The following RSRC1 variants were observed in gnomAD, a reference collection of about 807,000 sequenced individuals.
RSRC1 encodes serine/Arginine-related protein 53.
Under a neutral mutation model 49.1 loss-of-function variants are expected in RSRC1, and 39 were observed. That is an observed-to-expected ratio of 0.79 (90% CI 0.61 to 1.04). The LOEUF (loss-of-function observed/expected upper bound fraction) is 1.04. Ranked by LOEUF, RSRC1 falls within the 50% of genes least tolerant of loss-of-function variation. The pLI is 0.00. For synonymous variants in RSRC1, 143 were observed against 130.8 expected (o/e 1.09, Z -0.63); for missense variants, 388 against 402.4 (o/e 0.96, Z 0.31).
chr3:158,321,479 A>G (rs1728757126), intron 5 of RSRC1, among the ~76,000 whole-genome samples: 1 of 151,910 alleles, frequency 6.6e-6, no homozygotes, highest in Non-Finnish European at 1.5e-5. Flanking sequence ...CACATATGCA[A>G]TCTACAAAGA....
At chr3:158,519,987 A>G (rs951350681) in intron 7 of RSRC1, among the ~76,000 whole-genome samples, 1 of 152,160 alleles carries the variant, frequency 6.6e-6, no homozygotes, top group African/African-American at 2.4e-5. Context: ...ATGGAAGCCA[A>G]ATGAAAAAAA....
At chr3:158,290,237 ATAG>A (rs141422230) in intron 4 of RSRC1, among the ~76,000 whole-genome samples, 4,056 of 152,056 alleles carry the variant, frequency 0.027, 158 homozygotes, top group African/African-American at 0.093. Context: ...CCATTAGTAA[ATAG>A]TAGAGCTGAA....
In RSRC1 at chr3:158,487,146, A is replaced by T. The variant is rs189058902; in HGVS notation, c.652+26143A>T. On this transcript the variant is annotated intron_variant, in intron 7 of 9. Transcript: ENST00000611884. ...TTTCATTCAATACTGTTGCACAGAT[A>T]AGCACTTGGAAACAACTGCTTTAAG... 3.4e-4 allele frequency among the ~76,000 whole-genome samples: 52 copies of T among 152,340 alleles called. 1 individual carries two copies. The highest frequency in any genetic ancestry group is 6.6e-4 in the Non-Finnish European group (45 of 68,028).
intron 7 of RSRC1, among the ~76,000 whole-genome samples, chr3:158,466,901 G>GA: frequency 6.6e-6 from 1 of 151,918 alleles, no homozygotes; most frequent in Non-Finnish European, 1.5e-5. Context: ...GTCTCAAAAA[G>GA]AAAAAAGATT....
intron 4 of RSRC1, among the ~76,000 whole-genome samples, chr3:158,205,482 T>C (rs979158693): frequency 7.9e-5 from 12 of 152,254 alleles, no homozygotes; most frequent in Middle Eastern, 3.4e-3. Flanking sequence ...CTGTGTTAAG[T>C]AATAAGGATA....
intron 3 of RSRC1, among the ~76,000 whole-genome samples, chr3:158,129,685 G>A (rs531896880): frequency 6.6e-6 from 1 of 151,980 alleles, no homozygotes; most frequent in Admixed American, 6.5e-5. Context: ...TTGTTTATTT[G>A]GTTCCATTCC....
intron 6 of RSRC1, among the ~76,000 whole-genome samples, chr3:158,454,809 C>T (rs910549471): frequency 1.3e-5 from 2 of 152,092 alleles, no homozygotes; most frequent in Admixed American, 6.6e-5. Flanking sequence ...CCCTGTAATC[C>T]TGTCATTTCA....
chr3:158,346,167 C>A (rs1037374591), intron 5 of RSRC1, among the ~76,000 whole-genome samples: 4 of 152,188 alleles, frequency 2.6e-5, no homozygotes, highest in Admixed American at 2.6e-4. Context: ...AGGAAATTGG[C>A]AGAGTATGGT....
chr3:158,272,818 C>T (rs1349012852), intron 4 of RSRC1, among the ~76,000 whole-genome samples: 3 of 151,998 alleles, frequency 2.0e-5, no homozygotes, highest in African/African-American at 7.2e-5. Flanking sequence ...CTCCCATATA[C>T]CCTTTACATA....
chr3:158,200,491 T>A (rs1487094901), intron 3 of RSRC1, among the ~76,000 whole-genome samples: 2 of 152,256 alleles, frequency 1.3e-5, no homozygotes, highest in Non-Finnish European at 2.9e-5. Flanking sequence ...ATATCTAATG[T>A]ACTTATTGAT....
intron 4 of RSRC1, among the ~76,000 whole-genome samples, chr3:158,204,006 T>C (rs911282887): frequency 1.3e-5 from 2 of 152,176 alleles, no homozygotes; most frequent in African/African-American, 4.8e-5. Flanking sequence ...AAGTAGAATC[T>C]AATCTTGGAA....
At chr3:158,503,871 C>A (rs1739727493) in intron 7 of RSRC1, among the ~76,000 whole-genome samples, 1 of 152,114 alleles carries the variant, frequency 6.6e-6, no homozygotes, top group Non-Finnish European at 1.5e-5. Flanking sequence ...GATTTGTGCC[C>A]TCCGCTGAGT....
chr3:158,423,187 T>A (rs1440163690), intron 6 of RSRC1, among the ~76,000 whole-genome samples: 1 of 152,156 alleles, frequency 6.6e-6, no homozygotes, highest in Non-Finnish European at 1.5e-5. Flanking sequence ...CTAGGTTTTC[T>A]TCGAGGGTTT....
intron 5 of RSRC1, among the ~76,000 whole-genome samples, chr3:158,321,425 G>A (rs916289439): frequency 4.6e-5 from 7 of 151,420 alleles, no homozygotes; most frequent in South Asian, 2.1e-4. Flanking sequence ...TATATTTTGC[G>A]TGGTTTTAAT....
intron 4 of RSRC1, among the ~76,000 whole-genome samples, chr3:158,258,250 C>A (rs1724686836): frequency 2.1e-5 from 2 of 95,730 alleles, no homozygotes; most frequent in Non-Finnish European, 4.1e-5. Flanking sequence ...TTGATGAAGT[C>A]CCTTAGCATT....
intron 4 of RSRC1, among the ~76,000 whole-genome samples, chr3:158,232,059 A>G (rs1248139331): frequency 6.6e-6 from 1 of 152,054 alleles, no homozygotes; most frequent in African/African-American, 2.4e-5. Flanking sequence ...TAATGTTTTG[A>G]ATTTCAGCAC....
intron 4 of RSRC1, among the ~76,000 whole-genome samples, chr3:158,240,215 T>G (rs699918): frequency 0.69 from 104,946 of 151,916 alleles, 36,676 homozygotes; most frequent in East Asian, 0.84. Flanking sequence ...TGTCATGTTT[T>G]GGATTTGAAT....
At position 158,544,465 on chromosome 3, in the gene RSRC1, T is replaced by G. The variant is rs1350097728; in HGVS notation, c.*190T>G. On this transcript the variant is annotated 3_prime_UTR_variant, in exon 10 of 10. Coordinates refer to ENST00000611884, the MANE Select transcript of RSRC1 (RefSeq NM_001271838.2). Reference sequence around the variant, plus strand: ...GAATTAAATCAAACATTGTAAAAATTAAAACAAAATTTAAGATTGCATGAA... The same window carrying G: ...GAATTAAATCAAACATTGTAAAAATGAAAACAAAATTTAAGATTGCATGAA... 2.6e-6 allele frequency: 1 copy of G among 384,822 alleles called. No individual in the cohort carries two copies. The highest frequency in any genetic ancestry group is 2.1e-5 in the African/African-American group (1 of 48,034). The allele number at this position is 384,822 out of a possible 1,614,324, so 23.8% of individuals were successfully genotyped here. A position where few individuals can be genotyped will look rare whatever the true frequency, so the allele number is the denominator to read the frequency against.
intron 7 of RSRC1, among the ~76,000 whole-genome samples, chr3:158,507,741 A>G (rs1739930685): frequency 1.3e-5 from 2 of 152,162 alleles, no homozygotes; most frequent in Admixed American, 1.3e-4. Flanking sequence ...TTTCACCAAA[A>G]CCTTTTAATA....
Sources: allele counts gnomAD v4.1 joint callset (sites outside exome capture counted in the v4.1 genomes callset), GRCh38; gene constraint gnomAD v4.1.1; transcripts MANE v1.5; gene names NCBI Gene and HGNC (gene_info 2026-07-23, HGNC 2026-07-21).